CNTNAP2: variants seen among roughly 807,000 people sequenced by gnomAD.
The protein encoded by CNTNAP2 is contactin-associated protein-like 2.
CNTNAP2 carries 98 observed loss-of-function variants against 155.2 expected under a neutral mutation model. That is an observed-to-expected ratio of 0.63 (90% CI 0.54 to 0.75). The LOEUF (loss-of-function observed/expected upper bound fraction) is 0.75, where lower values mean the gene tolerates loss of function less well. Among genes scored for constraint, CNTNAP2 ranks in the 30% least tolerant of loss-of-function variants. The pLI is 0.00. For missense variants in CNTNAP2, 1,727 were observed against 1,688.1 expected, an observed-to-expected ratio of 1.02 and a Z score of -0.40; for synonymous variants, 651 against 631.2, an observed-to-expected ratio of 1.03 and a Z score of -0.47.
chr7:146,450,541 C>G (rs996629515), intron 1 of CNTNAP2, among the ~76,000 whole-genome samples: 4 of 152,056 alleles, frequency 2.6e-5, no homozygotes, highest in African/African-American at 9.7e-5. Flanking sequence ...CCTTAAGATT[C>G]GAAACAGACT....
At chr7:147,581,591 G>A (rs1800500972) in intron 12 of CNTNAP2, among the ~76,000 whole-genome samples, 1 of 152,166 alleles carries the variant, frequency 6.6e-6, no homozygotes, top group Non-Finnish European at 1.5e-5. Context: ...ATAAAGGCAG[G>A]TTCCAGTAGC....
intron 11 of CNTNAP2, among the ~76,000 whole-genome samples, chr7:147,501,474 G>T (rs944569787): frequency 7.2e-5 from 11 of 152,170 alleles, no homozygotes; most frequent in Admixed American, 2.0e-4. Context: ...CTCTTATAGA[G>T]AGATGTCCCT....
intron 1 of CNTNAP2, among the ~76,000 whole-genome samples, chr7:146,670,396 G>T (rs530684505): frequency 6.6e-6 from 1 of 151,998 alleles, no homozygotes; most frequent in Admixed American, 6.6e-5. Flanking sequence ...TATGAAGAAC[G>T]TAGCCAGAGA....
At chr7:147,712,249 G>A (rs1796410751) in intron 13 of CNTNAP2, among the ~76,000 whole-genome samples, 1 of 152,272 alleles carries the variant, frequency 6.6e-6, no homozygotes, top group African/African-American at 2.4e-5. Context: ...GGAAACAACA[G>A]GTGCTGGAGA....
chr7:146,138,229 A>G (rs917957696), intron 1 of CNTNAP2, among the ~76,000 whole-genome samples: 1 of 152,154 alleles, frequency 6.6e-6, no homozygotes, highest in Non-Finnish European at 1.5e-5. Flanking sequence ...AAATGTTACT[A>G]TGTGGAAAAT....
intron 1 of CNTNAP2, among the ~76,000 whole-genome samples, chr7:146,767,506 T>A (rs1802218316): frequency 1.3e-5 from 2 of 152,204 alleles, no homozygotes; most frequent in African/African-American, 4.8e-5. Flanking sequence ...TTAGGGTTCT[T>A]TCTTTAACTG....
chr7:148,344,934 T>C (rs192259117), intron 21 of CNTNAP2, among the ~76,000 whole-genome samples: 2 of 152,178 alleles, frequency 1.3e-5, no homozygotes, highest in Admixed American at 1.3e-4. Context: ...GGCAGCACAG[T>C]CCATGCCGCG....
At chr7:146,522,929 G>A (rs1797635350) in intron 1 of CNTNAP2, among the ~76,000 whole-genome samples, 1 of 151,506 alleles carries the variant, frequency 6.6e-6, no homozygotes, top group Non-Finnish European at 1.5e-5. Context: ...TCATTCATAG[G>A]CATCTCAAGG....
chr7:147,643,237 A>G, intron 13 of CNTNAP2: 1 of 152,342 alleles, frequency 6.6e-6, no homozygotes, highest in East Asian at 1.9e-4. Context: ...TTGAAATAAA[A>G]TGGCATACAT....
intron 1 of CNTNAP2, among the ~76,000 whole-genome samples, chr7:146,602,078 T>G (rs993995124): frequency 6.6e-6 from 1 of 152,126 alleles, no homozygotes; most frequent in Non-Finnish European, 1.5e-5. Flanking sequence ...GTATCAAAAT[T>G]GACTTGAGTT....
At chr7:146,842,851 A>G in intron 3 of CNTNAP2, among the ~76,000 whole-genome samples, 1 of 148,332 alleles carries the variant, frequency 6.7e-6, no homozygotes, top group South Asian at 2.2e-4. Flanking sequence ...ACGCCCGGCT[A>G]ATTTTTTGTA....
intron 2 of CNTNAP2, among the ~76,000 whole-genome samples, chr7:146,812,620 C>T (rs887529252): frequency 1.3e-4 from 20 of 151,984 alleles, no homozygotes; most frequent in African/African-American, 4.6e-4. Flanking sequence ...GGAAAACTTG[C>T]AGCCCCACAG....
chr7:147,021,433 C>T (rs1367631048), intron 3 of CNTNAP2, among the ~76,000 whole-genome samples: 1 of 151,998 alleles, frequency 6.6e-6, no homozygotes, highest in African/African-American at 2.4e-5. Context: ...GTTTTTTAGC[C>T]AGTTCTTTGT....
chr7:147,039,752 T>C (rs1356535380), intron 3 of CNTNAP2, among the ~76,000 whole-genome samples: 1 of 152,222 alleles, frequency 6.6e-6, no homozygotes, highest in Admixed American at 6.5e-5. Flanking sequence ...ATCATCATAC[T>C]GCTTTCCACA....
intron 15 of CNTNAP2, among the ~76,000 whole-genome samples, chr7:148,074,815 A>C (rs1157904917): frequency 1.3e-5 from 2 of 152,240 alleles, no homozygotes; most frequent in Non-Finnish European, 2.9e-5. Context: ...GATAGTTTAC[A>C]GGCCAATGAC....
At chr7:147,073,010 G>T (rs1304371758) in intron 4 of CNTNAP2, among the ~76,000 whole-genome samples, 2 of 150,862 alleles carry the variant, frequency 1.3e-5, no homozygotes, top group Non-Finnish European at 3.0e-5. Context: ...CCGCCACCAC[G>T]CCCGGCTAAT....
chr7:148,136,363 T>C (rs2116636023), intron 16 of CNTNAP2, among the ~76,000 whole-genome samples: 1 of 152,140 alleles, frequency 6.6e-6, no homozygotes, highest in Non-Finnish European at 1.5e-5. Context: ...AATGAGTTCA[T>C]ATGAGATCTG....
intron 1 of CNTNAP2, among the ~76,000 whole-genome samples, chr7:146,642,456 A>G (rs996215364): frequency 6.6e-6 from 1 of 151,228 alleles, no homozygotes; most frequent in African/African-American, 2.4e-5. Context: ...ATGATTTCCA[A>G]TTTCATCCAT....
rs184220241 is a variant in CNTNAP2 at position 146,221,448 on chromosome 7, G to A, written c.97+104475G>A. 2.4e-3 allele frequency among the ~76,000 whole-genome samples: 367 copies of A among 152,154 alleles called. 2 individuals carry two copies. Among genetic ancestry groups the A allele is most frequent in the Non-Finnish European group, 2.4e-3 (165 of 68,010 alleles). ...AGGATATACTGAATTTATACAGAAG[G>A]ATATACATATCCACTGCTTCAGATC... On this transcript the variant is annotated intron_variant, in intron 1 of 23. Coordinates refer to ENST00000361727, the MANE Select transcript of CNTNAP2 (RefSeq NM_014141.6).
Sources: allele counts gnomAD v4.1 joint callset (sites outside exome capture counted in the v4.1 genomes callset), GRCh38; gene constraint gnomAD v4.1.1; transcripts MANE v1.5; gene names NCBI Gene and HGNC (gene_info 2026-07-23, HGNC 2026-07-21).